Variants in BPTF observed in about 807,000 individuals in gnomAD.
BPTF encodes the protein bromodomain PHD finger transcription factor.
In BPTF, 18 loss-of-function variants were observed where a neutral mutation model predicts 292.5. That is an observed-to-expected ratio of 0.06 (90% CI 0.04 to 0.09). BPTF has a LOEUF of 0.09. Ranked by LOEUF, BPTF falls within the 10% of genes least tolerant of loss-of-function variation. The pLI is 1.00. For synonymous variants in BPTF, 1,225 were observed against 1,251.9 expected, an observed-to-expected ratio of 0.98 and a Z score of 0.45; for missense variants, 2,726 against 3,498.7, an observed-to-expected ratio of 0.78 and a Z score of 5.57.
intron 26 of BPTF, among the ~76,000 whole-genome samples, chr17:67,967,332 G>T (rs2068231711): frequency 1.3e-5 from 2 of 150,530 alleles, no homozygotes; most frequent in South Asian, 4.3e-4. Flanking sequence ...TGTAGAGACA[G>T]GGTTTCACCA....
chr17:67,924,067 C>T (rs1345050080), intron 14 of BPTF, among the ~76,000 whole-genome samples: 2 of 152,000 alleles, frequency 1.3e-5, no homozygotes, highest in South Asian at 2.1e-4. Context: ...GGCACAATCT[C>T]GGCTCACTGC....
At chr17:67,962,765 T>G (rs1404759138) in intron 24 of BPTF, among the ~76,000 whole-genome samples, 1 of 152,268 alleles carries the variant, frequency 6.6e-6, no homozygotes, top group Non-Finnish European at 1.5e-5. Context: ...CTATGTACTT[T>G]CTTAGTTTTC....
At chr17:67,940,047 A>G (rs1350560226) in intron 18 of BPTF, among the ~76,000 whole-genome samples, 1 of 145,144 alleles carries the variant, frequency 6.9e-6, no homozygotes, top group African/African-American at 2.5e-5. Context: ...TTTAAAATTC[A>G]TATGAATTAA....
chr17:67,970,314 AC>A (rs2068626662), intron 26 of BPTF, among the ~76,000 whole-genome samples: 1 of 151,976 alleles, frequency 6.6e-6, no homozygotes, highest in Non-Finnish European at 1.5e-5. Context: ...CAGGACGATC[AC>A]TTCAGCTGGG....
In BPTF at chr17:67,854,181, G is replaced by C. The variant is rs1420386497; in HGVS notation, c.855G>C (p.Glu285Asp). The C allele has an allele frequency of 6.2e-7, 1 of 1,614,228 alleles. No individual in the cohort carries two copies. Among genetic ancestry groups the C allele is most frequent in the Non-Finnish European group, 8.5e-7 (1 of 1,180,044 alleles). ...VSQEQCTLMA[E>D]MHVVLLKAVL... Reference sequence around the variant, plus strand: ...AAGAGCAGTGCACACTCATGGCAGAGATGCATGTTGTGCTTTTGAAAGCAG... The same window carrying C: ...AAGAGCAGTGCACACTCATGGCAGACATGCATGTTGTGCTTTTGAAAGCAG... The change falls in exon 2 of 28, where the codon GAG becomes GAC. Residue 285 changes from glutamate to aspartate, a missense_variant. Glu to Asp is a conservative substitution (Grantham distance 45, BLOSUM62 2). Coordinates refer to ENST00000306378, the MANE Select transcript of BPTF (RefSeq NM_182641.4). This position sits in a 1 kb window ranked among gnomAD's most constrained non-coding sequence, Gnocchi z 5.6.
chr17:67,916,333 G>A (rs1289549107), intron 11 of BPTF, among the ~76,000 whole-genome samples: 9 of 152,066 alleles, frequency 5.9e-5, no homozygotes, highest in African/African-American at 1.2e-4. Context: ...GTGGGCTCAC[G>A]CCTCCCAGCA....
At position 67,946,269 on chromosome 17, in the gene BPTF, A is replaced by G; in HGVS notation, c.7561A>G (p.Ile2521Val). 1 of 1,614,218 alleles carries G rather than the reference A, an allele frequency of 6.2e-7. No individual in the cohort carries two copies. The highest frequency in any genetic ancestry group is 8.5e-7 in the Non-Finnish European group (1 of 1,180,050). ...QQKKKQQQIE[I>V]KREHTLQASN... is the part of the protein sequence containing the mutation. Reference sequence around the variant, plus strand: ...AAAGAAGAAACAGCAACAGATAGAAATTAAGCGTGAACACACCCTCCAAGC... The same window carrying G: ...AAAGAAGAAACAGCAACAGATAGAAGTTAAGCGTGAACACACCCTCCAAGC... Residue 2521 changes from isoleucine to valine, a missense_variant, in exon 21 of 28, where the codon ATT becomes GTT. Physicochemically the swap from Ile to Val is conservative, Grantham distance 29 (BLOSUM62 3). Coordinates refer to ENST00000306378, the MANE Select transcript of BPTF (RefSeq NM_182641.4).
At chr17:67,928,775 G>A (rs1407702803) in intron 16 of BPTF, among the ~76,000 whole-genome samples, 174 bp downstream of exon 16, 1 of 152,176 alleles carries the variant, frequency 6.6e-6, no homozygotes, top group Non-Finnish European at 1.5e-5. Flanking sequence ...TATTACATTA[G>A]CAAACTCCTC....
Position 67,879,348 on chromosome 17 carries a change from G to A in BPTF, c.1864+4328G>A, listed in dbSNP as rs562639218. Among the ~76,000 whole-genome samples the A allele has an allele frequency of 2.9e-3, 438 of 151,982 alleles. 1 individual carries two copies. The highest frequency in any genetic ancestry group is 4.1e-3 in the Non-Finnish European group (280 of 67,952). On this transcript the variant is annotated intron_variant, in intron 4 of 27. Coordinates refer to ENST00000306378, the MANE Select transcript of BPTF (RefSeq NM_182641.4). ...GTAGAGACGGGGTTTCACCATGTTG[G>A]CCAGGCTGGTCTTGAACTCCTGACC...
At chr17:67,906,247 A>G (rs560376473) in intron 9 of BPTF, among the ~76,000 whole-genome samples, 20 of 151,964 alleles carry the variant, frequency 1.3e-4, no homozygotes, top group Non-Finnish European at 2.5e-4. Flanking sequence ...TGCCCAGCTA[A>G]TTTTTGTATT....
At chr17:67,939,724 C>A (rs982707242) in intron 18 of BPTF, among the ~76,000 whole-genome samples, 5 of 152,090 alleles carry the variant, frequency 3.3e-5, no homozygotes, top group African/African-American at 1.2e-4. Flanking sequence ...AAAACAAATA[C>A]AAAAAATTAG....
intron 7 of BPTF, among the ~76,000 whole-genome samples, chr17:67,898,442 A>G (rs1297640540): frequency 1.3e-5 from 2 of 152,098 alleles, no homozygotes; most frequent in African/African-American, 2.4e-5. Flanking sequence ...GTTCATTATA[A>G]TTTATTGGGT....
intron 26 of BPTF, among the ~76,000 whole-genome samples, chr17:67,968,843 G>GT (rs1337971135): frequency 6.6e-6 from 1 of 150,996 alleles, no homozygotes; most frequent in African/African-American, 2.5e-5. Flanking sequence ...TTAGCCCGGC[G>GT]TGGTGGCACA....
chr17:67,960,074 A>G (rs1047367566), intron 24 of BPTF, 199 bp downstream of exon 24: 3 of 494,108 alleles, frequency 6.1e-6, no homozygotes, highest in Non-Finnish European at 1.1e-5. Context: ...CGTGTTTGTG[A>G]TTGTCCTTTG....
At chr17:67,892,532 C>A (rs889934332) in intron 5 of BPTF, among the ~76,000 whole-genome samples, 35 of 152,288 alleles carry the variant, frequency 2.3e-4, no homozygotes, top group Middle Eastern at 3.4e-3. Context: ...AGCTAGGACT[C>A]GGTATCTCTG....
chr17:67,952,602 G>A (rs80332262), intron 23 of BPTF, among the ~76,000 whole-genome samples: 2,481 of 152,164 alleles, frequency 0.016, 61 homozygotes, highest in African/African-American at 0.052. Context: ...CGTGCAGAAC[G>A]TACAGTTCCC....
At position 67,893,409 on chromosome 17, in the gene BPTF, A is replaced by G. The variant is rs1343132140; in HGVS notation, c.2095A>G (p.Ser699Gly). The change falls in exon 6 of 28, where the codon AGC (serine) becomes GGC (glycine). Residue 699 changes from serine to glycine, a missense_variant. Transcript: ENST00000306378. ...VNSQGEISRLSTKKEVIMKGN... is the reference protein window; with the variant it reads ...VNSQGEISRLGTKKEVIMKGN... ...CTCTCAAGGAGAAATTTCACGGTTG[A>G]GCACCAAAAAGGAAGTGATCATGAA... 1 of 1,614,060 alleles carries G rather than the reference A, an allele frequency of 6.2e-7. No individual in the cohort carries two copies. Among genetic ancestry groups the G allele is most frequent in the Non-Finnish European group, 8.5e-7 (1 of 1,180,028 alleles).
rs1258340548 is a variant in BPTF, at chr17:67,983,363, A to G, written c.*1075A>G. The G allele has an allele frequency of 6.5e-6, 1 of 152,690 alleles. No homozygotes were observed. Among genetic ancestry groups the G allele is most frequent in the African/African-American group, 2.4e-5 (1 of 41,466 alleles). The allele number at this position is 152,690 out of a possible 1,614,324, so 9.5% of individuals were successfully genotyped here. A position where few individuals can be genotyped will look rare whatever the true frequency, so the allele number is the denominator to read the frequency against. The stretch of plus-strand genomic sequence containing the variant: ...TAATCCTGTTGCATCAGTTGATCAT[A>G]CTAACGAGAACGGTAATGCGACAAG... On this transcript the variant is annotated 3_prime_UTR_variant, in exon 28 of 28. Transcript: ENST00000306378.
rs894794949 is a variant in BPTF at position 67,893,657 on chromosome 17, A to G, written c.2343A>G (p.Arg781=). The G allele has an allele frequency of 5.6e-6, 9 of 1,612,242 alleles. No homozygotes were observed. The Admixed American group carries it at 1.3e-4, about 24-fold the overall frequency. ...AAGTTCTTACCATATCTACTCTGAG[A>G]CTGACTATCACCCAATTAGAAAACA... ...GSKVLTISTL[R]LTITQLENNI... The change falls in exon 6 of 28, where the codon AGA becomes AGG. Residue 781 remains arginine, a synonymous_variant. Coordinates refer to ENST00000306378, the MANE Select transcript of BPTF (RefSeq NM_182641.4).
Sources: gnomAD v4.1 joint callset for allele counts (sites outside exome capture counted in the v4.1 genomes callset) on GRCh38, gnomAD v4.1.1 for gene constraint, Gnocchi (gnomAD v3.1) non-coding constraint, MANE v1.5 for transcripts, NCBI Gene and HGNC (gene_info 2026-07-23, HGNC 2026-07-21) for gene names.